The following DHX37 variants were observed in gnomAD, a reference collection of about 807,000 sequenced individuals.
DHX37 encodes DEAH-box helicase 37.
In DHX37, 52 loss-of-function variants were observed where a neutral mutation model predicts 134.3. The observed-to-expected ratio is 0.39, with a 90% confidence interval of 0.31 to 0.49. The LOEUF (loss-of-function observed/expected upper bound fraction) is 0.49, where lower values mean the gene tolerates loss of function less well. Ranked by LOEUF, DHX37 falls within the 20% of genes least tolerant of loss-of-function variation. The pLI, the probability that DHX37 is intolerant of heterozygous loss-of-function variation, is 0.93. For missense variants in DHX37, 1,344 were observed against 1,580.8 expected (o/e 0.85, Z 2.54); for synonymous variants, 634 against 670.7 (o/e 0.95, Z 0.85).
intron 15 of DHX37, among the ~76,000 whole-genome samples, chr12:124,962,978 T>A (rs1954297414): frequency 6.6e-6 from 1 of 152,216 alleles, no homozygotes; most frequent in African/African-American, 2.4e-5. Context: ...AGAGTTACCA[T>A]ACGGCCCAGC....
At chr12:124,987,803 GA>G (rs1025791471) in intron 1 of DHX37, among the ~76,000 whole-genome samples, 5 of 152,046 alleles carry the variant, frequency 3.3e-5, no homozygotes, top group African/African-American at 1.2e-4. Context: ...CTAAAAATTT[GA>G]AATCTGGAAT....
At chr12:124,987,294 G>T (rs1954893508) in intron 1 of DHX37, among the ~76,000 whole-genome samples, 1 of 152,200 alleles carries the variant, frequency 6.6e-6, no homozygotes, top group Non-Finnish European at 1.5e-5. Context: ...AGTGAGCAGA[G>T]ATCACGCCAC....
rs1420991076 is a variant in DHX37, at chr12:124,980,598, C to T, written c.630G>A (p.Val210=). 1 of 1,610,718 alleles carries T rather than the reference C, an allele frequency of 6.2e-7. No individual in the cohort carries two copies. Among genetic ancestry groups the T allele is most frequent in the South Asian group, 1.1e-5 (1 of 90,948 alleles). ...GAGGAGGAACAGTCATCCCAGCCGG[C>T]ACGGGCTGACTGCTGGGTGCTGGAG... The part of the protein sequence containing the change: ...PPAPAPSSQP[V]PAGMTVPPPP... Residue 210 remains valine (V), a synonymous_variant, in exon 4 of 27, where the codon GTG becomes GTA. Transcript: ENST00000308736. The surrounding 1 kb of genome is among the most constrained non-coding windows in gnomAD (Gnocchi z 5.3).
chr12:124,953,221 CAGA>C (rs1954009263), intron 20 of DHX37: 1 of 152,816 alleles, frequency 6.5e-6, no homozygotes, highest in Non-Finnish European at 1.5e-5. Flanking sequence ...AAGCCACAGC[CAGA>C]AGGACACAGA....
Position 124,949,988 on chromosome 12 carries a change from G to A in DHX37, c.3288C>T (p.Ala1096=). ...SSPGTMLKTW[A]RLQPRTESLL... ...GAGGCTCCCACCGAAGGCAGTACCTGGCCCACGTCTTCAGCATGGTGCCGG... is the reference window on the plus strand; with the variant it reads ...GAGGCTCCCACCGAAGGCAGTACCTAGCCCACGTCTTCAGCATGGTGCCGG... The change falls in exon 25 of 27, where the codon GCC becomes GCT. Residue 1096 remains alanine (A), a splice_region_variant and synonymous_variant. Transcript: ENST00000308736. This position sits in a 1 kb window ranked among gnomAD's most constrained non-coding sequence, Gnocchi z 4.0. The A allele has an allele frequency of 6.2e-7, 1 of 1,609,212 alleles. No homozygotes were observed. Among genetic ancestry groups the A allele is most frequent in the Non-Finnish European group, 8.5e-7 (1 of 1,177,440 alleles).
In DHX37 at chr12:124,950,744, G is replaced by A. The variant is rs756776212; in HGVS notation, c.2929C>T (p.Pro977Ser). The change falls in exon 22 of 27, where the codon CCC (proline) becomes TCC (serine). Residue 977 changes from proline to serine, a missense_variant. Physicochemically the swap from Pro to Ser is moderately conservative, Grantham distance 74. Around this residue, in one of 7 missense-constraint regions of DHX37, gnomAD observed 558 missense variants for 650.0 expected, o/e 0.86. Transcript: ENST00000308736. The part of the protein sequence containing the change: ...HPSSVLFKEL[P>S]EFVVYQEIVE... ...ATTTCCTGGTAGACCACAAACTCGG[G>A]GAGCTCTTTGAAAAGGACGGAGCTG... 5.0e-6 allele frequency: 8 copies of A among 1,610,090 alleles called. No individual in the cohort carries two copies. The African/African-American group carries it at 5.4e-5, about 11-fold the overall frequency.
chr12:124,978,565 G>A (rs1256708216), intron 4 of DHX37, among the ~76,000 whole-genome samples: 5 of 148,940 alleles, frequency 3.4e-5, no homozygotes, highest in Non-Finnish European at 7.5e-5. Context: ...TGATCCACCC[G>A]CCTCGGCCTC....
chr12:124,965,554 G>C, intron 13 of DHX37, 114 bp downstream of exon 13: 1 of 1,429,066 alleles, frequency 7.0e-7, no homozygotes, highest in Non-Finnish European at 9.2e-7. Flanking sequence ...AACTCAGGAA[G>C]CATCGGGGAC....
chr12:124,970,646 G>T (rs946059450), intron 8 of DHX37, among the ~76,000 whole-genome samples: 2 of 152,198 alleles, frequency 1.3e-5, no homozygotes, highest in Non-Finnish European at 1.5e-5. Context: ...CTCTGAGTCT[G>T]CGTCCTGCCT....
At chr12:124,973,499 T>TG (rs1042423746) in intron 6 of DHX37, among the ~76,000 whole-genome samples, 39 of 68,354 alleles carry the variant, frequency 5.7e-4, no homozygotes, top group African/African-American at 2.2e-3. Flanking sequence ...TTCTAAACAG[T>TG]GGGGGGGAGG....
In DHX37 at chr12:124,947,761, A is replaced by G. The variant is rs552595744; in HGVS notation, c.*41T>C. Reference sequence around the variant, plus strand: ...GGTGACAGGCTGCTGCCAGCCCTCCAGTCCCCAAACCAGTCCTCGGCCCTG... The same window carrying G: ...GGTGACAGGCTGCTGCCAGCCCTCCGGTCCCCAAACCAGTCCTCGGCCCTG... On this transcript the variant is annotated 3_prime_UTR_variant, in exon 27 of 27. Coordinates refer to ENST00000308736, the MANE Select transcript of DHX37 (RefSeq NM_032656.4). The G allele has an allele frequency of 6.6e-7, 1 of 1,515,254 alleles. No homozygotes were observed. The highest frequency in any genetic ancestry group is 1.4e-5 in the African/African-American group (1 of 72,026). The allele number at this position is 1,515,254 out of a possible 1,614,324, so 93.9% of individuals were successfully genotyped here.
chr12:124,979,089 C>T (rs1281432186), intron 4 of DHX37, among the ~76,000 whole-genome samples: 3 of 152,124 alleles, frequency 2.0e-5, no homozygotes, highest in Non-Finnish European at 4.4e-5. Context: ...TGTGCTCATG[C>T]CTGTAATCCC....
intron 6 of DHX37, among the ~76,000 whole-genome samples, chr12:124,975,182 G>C (rs1954608941): frequency 6.6e-6 from 1 of 152,178 alleles, no homozygotes; most frequent in African/African-American, 2.4e-5. Context: ...CGAGCCCCTG[G>C]ATGGGCCACT....
chr12:124,975,469 G>A lies in DHX37; in HGVS notation c.930C>T (p.Ala310=), dbSNP rs139101143. 23 of 1,612,712 alleles carry A rather than the reference G, an allele frequency of 1.4e-5. No homozygotes were observed. The highest frequency in any genetic ancestry group is 1.2e-4 in the Admixed American group (7 of 59,988). ...CCACTCGCTGGGACATGGCCACGGCGGCCACTCGGCGGGGCTCCGTGACAC... is the reference window on the plus strand; with the variant it reads ...CCACTCGCTGGGACATGGCCACGGCAGCCACTCGGCGGGGCTCCGTGACAC... ...IIGVTEPRRV[A]AVAMSQRVAK... Residue 310 remains alanine, a synonymous_variant, in exon 6 of 27, where the codon GCC becomes GCT. Transcript: ENST00000308736.
In DHX37 at chr12:124,971,286, C is replaced by T. The variant is rs1240667750; in HGVS notation, c.1191+16G>A. The T allele has an allele frequency of 6.2e-7, 1 of 1,609,684 alleles. No homozygotes were observed. The highest frequency in any genetic ancestry group is 1.3e-5 in the African/African-American group (1 of 74,976). The stretch of plus-strand genomic sequence containing the variant: ...CCTAGGGCTCGGGGCTCCCCAGCAC[C>T]CGCCTCCTGCGCTACCTTAGCCCGG... On this transcript the variant is annotated intron_variant, in intron 8 of 26. Transcript: ENST00000308736.
chr12:124,971,816 C>T (rs912838847), intron 7 of DHX37, among the ~76,000 whole-genome samples: 13 of 152,354 alleles, frequency 8.5e-5, no homozygotes, highest in Admixed American at 2.0e-4. Context: ...GTCCCCCACC[C>T]GGGCCCTGCA....
intron 16 of DHX37, 68 bp downstream of exon 16, chr12:124,960,244 C>G (rs1369366043): frequency 6.4e-7 from 1 of 1,565,990 alleles, no homozygotes; most frequent in East Asian, 2.3e-5. Context: ...GCTCTGGGCT[C>G]CCTGCCTCAG....
At chr12:124,965,950 A>G in intron 12 of DHX37, 138 bp from the exon 13 acceptor site, 1 of 1,083,920 alleles carries the variant, frequency 9.2e-7, no homozygotes, top group South Asian at 1.8e-5. Flanking sequence ...CAGGCCACAT[A>G]ATTCTCTCTT....
intron 18 of DHX37, among the ~76,000 whole-genome samples, chr12:124,956,316 C>T (rs182785187): frequency 5.3e-5 from 8 of 152,318 alleles, no homozygotes; most frequent in African/African-American, 1.4e-4. Flanking sequence ...GCAGAAATGA[C>T]CCCTTTTATC....
Sources: gnomAD v4.1 joint callset for allele counts (sites outside exome capture counted in the v4.1 genomes callset) on GRCh38, gnomAD v4.1.1 for gene constraint, gnomAD v4.1.1 regional missense constraint, Gnocchi (gnomAD v3.1) non-coding constraint, MANE v1.5 for transcripts, NCBI Gene and HGNC (gene_info 2026-07-23, HGNC 2026-07-21) for gene names.